TMEM11: variants seen among roughly 807,000 people sequenced by gnomAD.
TMEM11 encodes the protein transmembrane protein 11.
Under a neutral mutation model 17.0 loss-of-function variants are expected in TMEM11, and 1 was observed. That is an observed-to-expected ratio of 0.06 (90% CI 0.02 to 0.28). TMEM11 has a LOEUF of 0.28. Ranked by LOEUF, TMEM11 falls within the 10% of genes least tolerant of loss-of-function variation. The probability of loss-of-function intolerance (pLI) is 1.00; values close to 1 mark genes in which losing one functional copy is unlikely to be tolerated. For missense variants in TMEM11, 172 were observed against 252.9 expected, an observed-to-expected ratio of 0.68 and a Z score of 2.17; for synonymous variants, 122 against 118.1, an observed-to-expected ratio of 1.03 and a Z score of -0.21.
At chr17:21,211,215 C>T (rs1230687650) in intron 1 of TMEM11, 1 of 1,289,634 alleles carries the variant, frequency 7.8e-7, no homozygotes, top group East Asian at 5.5e-5. Flanking sequence ...TCATTACAAA[C>T]ACTGTTGGTT....
intron 1 of TMEM11, among the ~76,000 whole-genome samples, chr17:21,210,009 G>C (rs1282267914): frequency 1.3e-5 from 2 of 152,152 alleles, no homozygotes; most frequent in African/African-American, 4.8e-5. Context: ...TCCCGGGTGT[G>C]CTCGGTCATG....
intron 1 of TMEM11, among the ~76,000 whole-genome samples, chr17:21,199,673 T>C (rs1974861870): frequency 6.6e-6 from 1 of 152,226 alleles, no homozygotes; most frequent in Admixed American, 6.5e-5. Flanking sequence ...AGGAAGAGCT[T>C]TGCCTTGGGC....
At chr17:21,206,387 AATTTTTGT>A (rs1974943025) in intron 1 of TMEM11, among the ~76,000 whole-genome samples, 2 of 151,926 alleles carry the variant, frequency 1.3e-5, no homozygotes, top group Non-Finnish European at 2.9e-5. Context: ...ACGCCCAGCT[AATTTTTGT>A]ATTTTTAGTA....
chr17:21,207,031 T>A lies in TMEM11; in HGVS notation c.62+7060A>T, dbSNP rs565840304. On this transcript the variant is annotated intron_variant, in intron 1 of 1. Coordinates refer to ENST00000317635, the MANE Select transcript of TMEM11 (RefSeq NM_003876.3). ...TGGTCCCTTCACATCTCCCCAGCCC[T>A]CCACAACCACCAGTCGGCTTCCCAA... 6.9e-4 allele frequency among the ~76,000 whole-genome samples: 105 copies of A among 152,228 alleles called. 1 individual carries two copies. Among genetic ancestry groups the A allele is most frequent in the Non-Finnish European group, 1.3e-3 (86 of 67,990 alleles).
rs180810677 is a variant in TMEM11 at position 21,198,949 on chromosome 17, G to A, written c.63-109C>T. ...TGGGGGAGGTCTGAGCCTGCACTGCGGAGAGCACATCTCACTTGGGTCCTC... is the reference window on the plus strand; with the variant it reads ...TGGGGGAGGTCTGAGCCTGCACTGCAGAGAGCACATCTCACTTGGGTCCTC... On this transcript the variant is annotated intron_variant, in intron 1 of 1. Coordinates refer to ENST00000317635, the MANE Select transcript of TMEM11 (RefSeq NM_003876.3). This position sits in a 1 kb window ranked among gnomAD's most constrained non-coding sequence, Gnocchi z 6.5. 346 of 1,200,182 alleles carry A rather than the reference G, an allele frequency of 2.9e-4. No individual in the cohort carries two copies. In the African/African-American group the frequency reaches 4.9e-3, roughly 17 times the overall value. 74.3% of individuals were successfully genotyped at this position (1,200,182 alleles called of 1,614,324 possible).
chr17:21,202,820 A>G (rs2144294309), intron 1 of TMEM11, among the ~76,000 whole-genome samples: 1 of 152,338 alleles, frequency 6.6e-6, no homozygotes, highest in South Asian at 2.1e-4. Flanking sequence ...TGAATGACAC[A>G]GCCATAAGCA....
At chr17:21,213,200 C>G (rs759939295) in intron 1 of TMEM11, 1 of 152,182 alleles carries the variant, frequency 6.6e-6, no homozygotes, top group Non-Finnish European at 1.5e-5. Context: ...TCCTTTTTTG[C>G]TGACCGCTGC....
At chr17:21,211,050 T>C (rs1421675750) in intron 1 of TMEM11, 1 of 1,289,792 alleles carries the variant, frequency 7.8e-7, no homozygotes, top group South Asian at 1.2e-5. Context: ...TGGCACACGG[T>C]GGCAGAACAC....
chr17:21,214,145 G>C lies in TMEM11; in HGVS notation c.8C>G (p.Ala3Gly), dbSNP rs1217425897. Residue 3 changes from alanine to glycine, a missense_variant, in exon 1 of 2, where the codon GCT becomes GGT. Around this residue, in one of 2 missense-constraint regions of TMEM11, gnomAD observed 49 missense variants for 39.3 expected, o/e 1.25. Transcript: ENST00000317635. The part of the protein sequence containing the change: MA[A>G]WGRRRLGPGS... ...CGGGCCAAGACGCCTCCTTCCCCAA[G>C]CGGCCATCTTGGAGACACTCTGCTT... The C allele has an allele frequency of 6.2e-7, 1 of 1,612,518 alleles. No homozygotes were observed. Among genetic ancestry groups the C allele is most frequent in the African/African-American group, 1.3e-5 (1 of 75,032 alleles).
intron 1 of TMEM11, among the ~76,000 whole-genome samples, chr17:21,204,232 G>A (rs1280228020): frequency 6.6e-6 from 1 of 151,310 alleles, no homozygotes; most frequent in African/African-American, 2.4e-5. Context: ...TCAGGAGTTC[G>A]AGACCAGCCT....
intron 1 of TMEM11, among the ~76,000 whole-genome samples, chr17:21,209,105 C>T (rs920232188): frequency 1.3e-5 from 2 of 152,234 alleles, no homozygotes; most frequent in African/African-American, 4.8e-5. Context: ...GGCCTGAGGA[C>T]GGCTCCCACA....
chr17:21,207,180 T>C (rs1480251008), intron 1 of TMEM11, among the ~76,000 whole-genome samples: 1 of 152,226 alleles, frequency 6.6e-6, no homozygotes, highest in Non-Finnish European at 1.5e-5. Context: ...GCATGTTTAT[T>C]ACTTTTCACA....
At position 21,201,435 on chromosome 17, in the gene TMEM11, C is replaced by A. The variant is rs550883109; in HGVS notation, c.63-2595G>T. Among the ~76,000 whole-genome samples, 26 of 152,200 alleles carry A rather than the reference C, an allele frequency of 1.7e-4. 1 individual carries two copies. Among genetic ancestry groups the A allele is most frequent in the Admixed American group, 7.2e-4 (11 of 15,280 alleles). On this transcript the variant is annotated intron_variant, in intron 1 of 1. Coordinates refer to ENST00000317635, the MANE Select transcript of TMEM11 (RefSeq NM_003876.3). ...TAAACATGGGTTGCTGCCAAGCCAC[C>A]TGTGACTGTGCCAGTGTCACGGCTG...
chr17:21,211,304 T>A, intron 1 of TMEM11: 2 of 1,085,786 alleles, frequency 1.8e-6, no homozygotes, highest in Non-Finnish European at 2.5e-6. Context: ...CCTATCTTAG[T>A]CGAAACCAGC....
chr17:21,211,296 TA>T lies in TMEM11; in HGVS notation c.62+2794del, dbSNP rs1975000608. 2.6e-6 allele frequency: 3 copies of T among 1,168,090 alleles called. No individual in the cohort carries two copies. In the Admixed American group the frequency reaches 7.0e-5, roughly 27 times the overall value. The allele number at this position is 1,168,090 out of a possible 1,614,324, so 72.4% of individuals were successfully genotyped here. A position where few individuals can be genotyped will look rare whatever the true frequency, so the allele number is the denominator to read the frequency against. ...ACCATTTTGCTATTTCCACCCCTCC[TA>T]TCTTAGTCGAAACCAGCACTGTCCA... On this transcript the variant is annotated intron_variant, in intron 1 of 1. Transcript: ENST00000317635.
intron 1 of TMEM11, among the ~76,000 whole-genome samples, chr17:21,200,784 C>T (rs909729529): frequency 7.2e-5 from 11 of 152,222 alleles, no homozygotes; most frequent in African/African-American, 1.7e-4. Flanking sequence ...GCGAAGGTCC[C>T]GTCCGCCCAG....
In TMEM11 at chr17:21,206,290, C is replaced by T. The variant is rs943501456; in HGVS notation, c.63-7450G>A. Among the ~76,000 whole-genome samples the T allele has an allele frequency of 3.3e-5, 5 of 152,150 alleles. 1 individual carries two copies. The highest frequency in any genetic ancestry group is 5.9e-5 in the Non-Finnish European group (4 of 68,002). On this transcript the variant is annotated intron_variant, in intron 1 of 1. Transcript: ENST00000317635. ...AGGCTGGAGCGCAATGGCGCTATCT[C>T]GACTCACTGCAACCTCCGCCTCCCG... is the stretch of plus-strand genomic sequence containing the variant.
Position 21,214,111 on chromosome 17 carries a change from A to C in TMEM11, c.42T>G (p.Ser14Arg). The change falls in exon 1 of 2, where the codon AGT (serine) becomes AGG (arginine). Residue 14 changes from serine (S) to arginine (R), a missense_variant. This residue lies in a region of TMEM11 where 49 missense variants were observed against 39.3 expected (regional missense o/e 1.25). Coordinates refer to ENST00000317635, the MANE Select transcript of TMEM11 (RefSeq NM_003876.3). ...WGRRRLGPGS[S>R]GGSARERVSL... ...CTCACCTCTCTCGGGCGCTGCCGCC[A>C]CTGCTGCCCGGGCCAAGACGCCTCC... is the stretch of plus-strand genomic sequence containing the variant. 6.2e-7 allele frequency: 1 copy of C among 1,611,720 alleles called. No individual in the cohort carries two copies. Among genetic ancestry groups the C allele is most frequent in the Non-Finnish European group, 8.5e-7 (1 of 1,179,526 alleles).
intron 1 of TMEM11, among the ~76,000 whole-genome samples, chr17:21,200,539 C>T (rs940475524): frequency 1.3e-5 from 2 of 152,200 alleles, no homozygotes; most frequent in African/African-American, 4.8e-5. Context: ...CCTCAGCACA[C>T]CCTGGTCCCC....
Sources: allele counts gnomAD v4.1 joint callset (sites outside exome capture counted in the v4.1 genomes callset), GRCh38; gene constraint gnomAD v4.1.1; regional missense constraint gnomAD v4.1.1; non-coding constraint Gnocchi (gnomAD v3.1); transcripts MANE v1.5; gene names NCBI Gene and HGNC (gene_info 2026-07-23, HGNC 2026-07-21).